Variants in MLYCD observed in about 807,000 individuals in gnomAD.
MLYCD encodes malonyl-CoA decarboxylase.
In MLYCD, 27 loss-of-function variants were observed where a neutral mutation model predicts 35.8. The observed-to-expected ratio is 0.75, with a 90% CI of 0.56 to 1.04. MLYCD has a LOEUF of 1.04. Ranked by LOEUF, MLYCD falls within the 50% of genes least tolerant of loss-of-function variation. The pLI, the probability that MLYCD is intolerant of heterozygous loss-of-function variation, is 0.00. For synonymous variants in MLYCD, 403 were observed against 302.4 expected, an observed-to-expected ratio of 1.33 and a Z score of -3.45; for missense variants, 917 against 665.1, an observed-to-expected ratio of 1.38 and a Z score of -4.17.
intron 3 of MLYCD, among the ~76,000 whole-genome samples, chr16:83,911,487 A>G (rs1907178039): frequency 1.3e-5 from 2 of 152,210 alleles, no homozygotes; most frequent in African/African-American, 4.8e-5. Context: ...TTATCCAGTG[A>G]GCTTTGGAGT....
At chr16:83,906,259 C>T (rs1906971728) in intron 1 of MLYCD, among the ~76,000 whole-genome samples, 1 of 151,874 alleles carries the variant, frequency 6.6e-6, no homozygotes, top group Admixed American at 6.6e-5. Context: ...GGCTTGGTGG[C>T]GCTCACCTGC....
rs749585759 is a variant in MLYCD, at chr16:83,915,424, A to G, written c.1417A>G (p.Ile473Val). The change falls in exon 5 of 5, where the codon ATC becomes GTC. Residue 473 changes from isoleucine to valine, a missense_variant. Coordinates refer to ENST00000262430, the MANE Select transcript of MLYCD (RefSeq NM_012213.3). ...CAGCACCTCCTACCTCGGCTCCAAG[A>G]TCATCAAAGCCTCTGAGCAGGTCCT... ...PNSTSYLGSK[I>V]IKASEQVLSL... 9 of 1,613,618 alleles carry G rather than the reference A, an allele frequency of 5.6e-6. No homozygotes were observed. The African/African-American group carries it at 1.1e-4, about 19-fold the overall frequency.
chr16:83,907,292 G>A (rs1270324543), intron 2 of MLYCD, among the ~76,000 whole-genome samples, 193 bp downstream of exon 2: 7 of 152,258 alleles, frequency 4.6e-5, no homozygotes, highest in African/African-American at 9.6e-5. Flanking sequence ...GGAGGAAGAC[G>A]AAAGGGCACC....
At position 83,899,368 on chromosome 16, in the gene MLYCD, A is replaced by G. The variant is rs745379940; in HGVS notation, c.224A>G (p.Tyr75Cys). The G allele has an allele frequency of 2.0e-6, 3 of 1,527,250 alleles. No homozygotes were observed. Among genetic ancestry groups the G allele is most frequent in the East Asian group, 2.6e-5 (1 of 38,202 alleles). The allele number at this position is 1,527,250 out of a possible 1,614,324, so 94.6% of individuals were successfully genotyped here. A position where few individuals can be genotyped will look rare whatever the true frequency, so the allele number is the denominator to read the frequency against. Residue 75 changes from tyrosine to cysteine, a missense_variant, in exon 1 of 5, where the codon TAC becomes TGC. Tyr to Cys is a radical substitution (Grantham distance 194). Transcript: ENST00000262430. ...EGQCADFVSF[Y>C]GGLAETAQRA... Reference sequence around the variant, plus strand: ...CAGTGCGCGGACTTCGTGAGCTTCTACGGTGGGCTGGCCGAGACGGCCCAG... The same window carrying G: ...CAGTGCGCGGACTTCGTGAGCTTCTGCGGTGGGCTGGCCGAGACGGCCCAG...
At chr16:83,901,256 T>G (rs1205337484) in intron 1 of MLYCD, among the ~76,000 whole-genome samples, 1 of 152,126 alleles carries the variant, frequency 6.6e-6, no homozygotes, top group East Asian at 1.9e-4. Flanking sequence ...ATAGCTGAGT[T>G]TTTCTGATCC....
intron 3 of MLYCD, among the ~76,000 whole-genome samples, chr16:83,909,691 G>A (rs1434966557): frequency 1.3e-5 from 2 of 149,316 alleles, no homozygotes; most frequent in South Asian, 2.1e-4. Context: ...GTGCTGTCTC[G>A]GCTCACTGCA....
Position 83,915,597 on chromosome 16 carries a change from A to G in MLYCD, c.*108A>G. The G allele has an allele frequency of 6.5e-7, 1 of 1,541,658 alleles. No individual in the cohort carries two copies. The highest frequency in any genetic ancestry group is 1.2e-5 in the South Asian group (1 of 84,288). ...AGCTTTCCAAGCAAAGCCAAAGTTG[A>G]CTGTGTTCTTGTCCCGCAGCCGGTC... On this transcript the variant is annotated 3_prime_UTR_variant, in exon 5 of 5. Coordinates refer to ENST00000262430, the MANE Select transcript of MLYCD (RefSeq NM_012213.3).
At position 83,916,120 on chromosome 16, in the gene MLYCD, C is replaced by G. The variant is rs914798671; in HGVS notation, c.*631C>G. On this transcript the variant is annotated 3_prime_UTR_variant, in exon 5 of 5. Transcript: ENST00000262430. ...AGTTGGATAATAGGCTTTAAATGAT[C>G]AGGGATTCAGGTTCATAATGAACTT... 2 of 993,060 alleles carry G rather than the reference C, an allele frequency of 2.0e-6. No homozygotes were observed. Among genetic ancestry groups the G allele is most frequent in the Non-Finnish European group, 2.4e-6 (2 of 833,500 alleles). The allele number at this position is 993,060 out of a possible 1,614,324, so 61.5% of individuals were successfully genotyped here.
intron 1 of MLYCD, among the ~76,000 whole-genome samples, chr16:83,900,117 G>A (rs1016639832): frequency 3.9e-5 from 6 of 152,192 alleles, no homozygotes; most frequent in Admixed American, 1.3e-4. Flanking sequence ...GTGAGACATT[G>A]TCCTGAGAAG....
intron 3 of MLYCD, among the ~76,000 whole-genome samples, chr16:83,910,038 G>T (rs72791526): frequency 0.067 from 10,139 of 152,080 alleles, 421 homozygotes; most frequent in Non-Finnish European, 0.092. Context: ...GACCCAGCTC[G>T]CATCCTGACT....
chr16:83,900,376 C>T (rs1172153109), intron 1 of MLYCD, among the ~76,000 whole-genome samples: 1 of 152,168 alleles, frequency 6.6e-6, no homozygotes, highest in Non-Finnish European at 1.5e-5. Flanking sequence ...CCTAGAGCAA[C>T]ATATACTCTT....
rs1907335460 is a variant in MLYCD, at chr16:83,915,264, G to A, written c.1257G>A (p.Val419=). 6.2e-7 allele frequency: 1 copy of A among 1,612,320 alleles called. No homozygotes were observed. Among genetic ancestry groups the A allele is most frequent in the Non-Finnish European group, 8.5e-7 (1 of 1,178,468 alleles). The change falls in exon 5 of 5, where the codon GTG becomes GTA. Residue 419 remains valine, a synonymous_variant. Coordinates refer to ENST00000262430, the MANE Select transcript of MLYCD (RefSeq NM_012213.3). ...EKHRGYALNP[V]ANFHLQNGAV... is the part of the protein sequence containing the mutation. Reference sequence around the variant, plus strand: ...ACCGCGGCTACGCGCTGAACCCCGTGGCCAACTTCCACCTGCAGAACGGGG... The same window carrying A: ...ACCGCGGCTACGCGCTGAACCCCGTAGCCAACTTCCACCTGCAGAACGGGG...
chr16:83,909,841 C>A (rs1440592291), intron 3 of MLYCD, among the ~76,000 whole-genome samples: 3 of 151,404 alleles, frequency 2.0e-5, no homozygotes, highest in Non-Finnish European at 4.4e-5. Flanking sequence ...CCATGTTGGC[C>A]AGGCTGGTCT....
rs1253830428 is a variant in MLYCD at position 83,900,134 on chromosome 16, GA to G, written c.528+465del. Among the ~76,000 whole-genome samples the G allele has an allele frequency of 4.6e-5, 7 of 152,320 alleles. No homozygotes were observed. The East Asian group carries it at 1.3e-3, about 29-fold the overall frequency. On this transcript the variant is annotated intron_variant, in intron 1 of 4. Coordinates refer to ENST00000262430, the MANE Select transcript of MLYCD (RefSeq NM_012213.3). Reference sequence around the variant, plus strand: ...GAGACATTGTCCTGAGAAGTCCTGTGAAATGCACAAAGGTAAATAGGACTCA... The same window carrying G: ...GAGACATTGTCCTGAGAAGTCCTGTGAATGCACAAAGGTAAATAGGACTCA...
In MLYCD at chr16:83,915,723, T is replaced by A. The variant is rs2151060387; in HGVS notation, c.*234T>A. Reference sequence around the variant, plus strand: ...GGGTGCACACAAATGAGTGGGTTGCTGTGCTGTCTCCGGAAGATTCTGTCG... The same window carrying A: ...GGGTGCACACAAATGAGTGGGTTGCAGTGCTGTCTCCGGAAGATTCTGTCG... On this transcript the variant is annotated 3_prime_UTR_variant, in exon 5 of 5. Coordinates refer to ENST00000262430, the MANE Select transcript of MLYCD (RefSeq NM_012213.3). 7.1e-7 allele frequency: 1 copy of A among 1,411,464 alleles called. No individual in the cohort carries two copies. Among genetic ancestry groups the A allele is most frequent in the East Asian group, 2.7e-5 (1 of 36,962 alleles). 87.4% of individuals were successfully genotyped at this position (1,411,464 alleles called of 1,614,324 possible).
Position 83,915,981 on chromosome 16 carries a change from A to G in MLYCD, c.*492A>G. ...GCAGAGGGACAAAGGGCTGTGCTAC[A>G]CTTCCCAGTTACATTCTGAAGCTCA... On this transcript the variant is annotated 3_prime_UTR_variant, in exon 5 of 5. Coordinates refer to ENST00000262430, the MANE Select transcript of MLYCD (RefSeq NM_012213.3). The G allele has an allele frequency of 2.0e-6, 2 of 1,021,510 alleles. No individual in the cohort carries two copies. Among genetic ancestry groups the G allele is most frequent in the Non-Finnish European group, 1.2e-6 (1 of 850,150 alleles). The allele number at this position is 1,021,510 out of a possible 1,614,324, so 63.3% of individuals were successfully genotyped here.
Position 83,917,199 on chromosome 16 carries a change from CTGTG to C in MLYCD, c.*1715_*1718del, listed in dbSNP as rs1334136885. On this transcript the variant is annotated 3_prime_UTR_variant, in exon 5 of 5. Coordinates refer to ENST00000262430, the MANE Select transcript of MLYCD (RefSeq NM_012213.3). ...CGTCTCTGTGTGTGTCAGTGCACGT[CTGTG>C]TGTGCACGAGCGTCTCTGTGTGGAT... 2.3e-5 allele frequency: 3 copies of C among 129,184 alleles called. No homozygotes were observed. Among genetic ancestry groups the C allele is most frequent in the Admixed American group, 8.3e-5 (1 of 11,980 alleles). 8.0% of individuals were successfully genotyped at this position (129,184 alleles called of 1,614,324 possible).
chr16:83,903,777 T>A (rs983210879), intron 1 of MLYCD, among the ~76,000 whole-genome samples: 4 of 151,852 alleles, frequency 2.6e-5, no homozygotes, highest in Admixed American at 6.6e-5. Flanking sequence ...AAAAAAAAAA[T>A]AAGAAACACT....
intron 1 of MLYCD, 120 bp downstream of exon 1, chr16:83,899,792 C>G (rs1391130544): frequency 4.6e-5 from 57 of 1,251,328 alleles, no homozygotes; most frequent in Non-Finnish European, 5.9e-5. Context: ...ACGCTCACTT[C>G]GCCCGCAGTT....
Sources: gnomAD v4.1 joint callset for allele counts (sites outside exome capture counted in the v4.1 genomes callset) on GRCh38, gnomAD v4.1.1 for gene constraint, MANE v1.5 for transcripts, NCBI Gene and HGNC (gene_info 2026-07-23, HGNC 2026-07-21) for gene names.